CAMTA1: variants seen among roughly 807,000 people sequenced by gnomAD.
CAMTA1 encodes calmodulin binding transcription activator 1.
In CAMTA1, 27 loss-of-function variants were observed where a neutral mutation model predicts 170.9. The observed-to-expected ratio is 0.16, with a 90% CI of 0.12 to 0.22. The LOEUF (loss-of-function observed/expected upper bound fraction) is 0.22, where lower values mean the gene tolerates loss of function less well. CAMTA1 is among the 10% of genes least tolerant of loss of function. The probability of loss-of-function intolerance (pLI) is 1.00; values close to 1 mark genes in which losing one functional copy is unlikely to be tolerated. For synonymous variants in CAMTA1, 833 were observed against 891.5 expected, an observed-to-expected ratio of 0.93 and a Z score of 1.17; for missense variants, 1,619 against 2,217.2, an observed-to-expected ratio of 0.73 and a Z score of 5.42.
intron 4 of CAMTA1, among the ~76,000 whole-genome samples, chr1:7,221,947 A>T (rs1346672844): frequency 3.3e-5 from 5 of 152,030 alleles, no homozygotes; most frequent in African/African-American, 1.2e-4. Context: ...ACACACACAC[A>T]CAGGCTTCCT....
At chr1:7,316,463 G>A (rs192334750) in intron 5 of CAMTA1, among the ~76,000 whole-genome samples, 10 of 152,326 alleles carry the variant, frequency 6.6e-5, no homozygotes, top group Admixed American at 4.6e-4. Context: ...TAACACAAGT[G>A]AAGTAGTCAG....
chr1:6,872,994 G>T (rs181570934), intron 3 of CAMTA1, among the ~76,000 whole-genome samples: 2 of 152,138 alleles, frequency 1.3e-5, no homozygotes, highest in Admixed American at 6.5e-5. Context: ...AAAATTAGTC[G>T]TGGTTAGCTG....
chr1:6,855,973 C>T (rs909912007), intron 3 of CAMTA1, among the ~76,000 whole-genome samples: 2 of 152,074 alleles, frequency 1.3e-5, no homozygotes, highest in Non-Finnish European at 2.9e-5. Context: ...GGAAATCCAC[C>T]CTCTGATACC....
At chr1:7,569,277 A>AC (rs2095094102) in intron 6 of CAMTA1, among the ~76,000 whole-genome samples, 2 of 142,498 alleles carry the variant, frequency 1.4e-5, no homozygotes, top group Admixed American at 6.8e-5. Flanking sequence ...TCATCATCAC[A>AC]TCACCATCAC....
At chr1:7,647,283 G>GT (rs2095814587) in intron 7 of CAMTA1, among the ~76,000 whole-genome samples, 1 of 151,888 alleles carries the variant, frequency 6.6e-6, no homozygotes, top group African/African-American at 2.4e-5. Flanking sequence ...CCAGAAGGGG[G>GT]GGGGGCTGTG....
At chr1:7,356,825 C>A (rs1434899301) in intron 5 of CAMTA1, among the ~76,000 whole-genome samples, 2 of 152,238 alleles carry the variant, frequency 1.3e-5, no homozygotes, top group East Asian at 3.8e-4. Flanking sequence ...TACTTAACTT[C>A]TCTGAGCCTT....
Position 6,965,653 on chromosome 1 carries a change from C to T in CAMTA1, c.235-125651C>T, listed in dbSNP as rs1325877283. ...AACAGTGAGGAGAAAGTCCTGACAA[C>T]AAGTAAAGAAAACTTAGCTGGCAAT... is the stretch of plus-strand genomic sequence containing the variant. On this transcript the variant is annotated intron_variant, in intron 3 of 22. Coordinates refer to ENST00000303635, the MANE Select transcript of CAMTA1 (RefSeq NM_015215.4). This position sits in a 1 kb window ranked among gnomAD's most constrained non-coding sequence, Gnocchi z 4.1. Among the ~76,000 whole-genome samples the T allele has an allele frequency of 6.6e-6, 1 of 152,098 alleles. No individual in the cohort carries two copies. Among genetic ancestry groups the T allele is most frequent in the East Asian group, 1.9e-4 (1 of 5,186 alleles).
chr1:7,474,054 G>A (rs191700651), intron 6 of CAMTA1, among the ~76,000 whole-genome samples: 93 of 152,366 alleles, frequency 6.1e-4, no homozygotes, highest in African/African-American at 2.1e-3. Context: ...CACTGGGTGA[G>A]TGGATGGGCA....
rs1577299803 is a variant in CAMTA1, at chr1:7,736,631, C to A, written c.3263+91C>A. On this transcript the variant is annotated intron_variant, in intron 13 of 22. Transcript: ENST00000303635. The surrounding 1 kb of genome is among the most constrained non-coding windows in gnomAD (Gnocchi z 4.5). ...ACTGCCACCCGTGGAAGAAATCTACCCATTCAGTCCACTTTATAGCCGGCG... is the reference window on the plus strand; with the variant it reads ...ACTGCCACCCGTGGAAGAAATCTACACATTCAGTCCACTTTATAGCCGGCG... 1.6e-6 allele frequency: 2 copies of A among 1,265,944 alleles called. No individual in the cohort carries two copies. Among genetic ancestry groups the A allele is most frequent in the African/African-American group, 1.5e-5 (1 of 68,090 alleles). The allele number at this position is 1,265,944 out of a possible 1,614,324, so 78.4% of individuals were successfully genotyped here.
rs568411380 is a variant in CAMTA1, at chr1:7,088,785, G to T, written c.235-2519G>T. 9.3e-4 allele frequency among the ~76,000 whole-genome samples: 142 copies of T among 152,296 alleles called. 1 individual carries two copies. Among genetic ancestry groups the T allele is most frequent in the African/African-American group, 3.3e-3 (136 of 41,562 alleles). On this transcript the variant is annotated intron_variant, in intron 3 of 22. Coordinates refer to ENST00000303635, the MANE Select transcript of CAMTA1 (RefSeq NM_015215.4). The stretch of plus-strand genomic sequence containing the variant: ...GGGCATGGATCAGGGGGTTCCAGCT[G>T]GCACAGCCTATTCCTCTGGATACCA...
At chr1:7,422,066 A>G (rs2091597882) in intron 5 of CAMTA1, among the ~76,000 whole-genome samples, 1 of 151,998 alleles carries the variant, frequency 6.6e-6, no homozygotes, top group Non-Finnish European at 1.5e-5. Context: ...AAAGTGCCAC[A>G]TGTCAGAAAC....
chr1:6,966,073 G>A lies in CAMTA1; in HGVS notation c.235-125231G>A, dbSNP rs112472967. On this transcript the variant is annotated intron_variant, in intron 3 of 22. Coordinates refer to ENST00000303635, the MANE Select transcript of CAMTA1 (RefSeq NM_015215.4). ...AAGGAGTTAGGCTTCACAGGGCTGCGCGCTGGCCAGGTGCCTGTCACAGGC... is the reference window on the plus strand; with the variant it reads ...AAGGAGTTAGGCTTCACAGGGCTGCACGCTGGCCAGGTGCCTGTCACAGGC... Among the ~76,000 whole-genome samples the A allele has an allele frequency of 4.4e-3, 673 of 152,210 alleles. 7 individuals carry two copies. Among genetic ancestry groups the A allele is most frequent in the African/African-American group, 0.014 (598 of 41,526 alleles).
At chr1:6,843,862 G>A (rs1365735967) in intron 3 of CAMTA1, among the ~76,000 whole-genome samples, 4 of 152,122 alleles carry the variant, frequency 2.6e-5, no homozygotes, top group East Asian at 3.9e-4. Flanking sequence ...ATACATCTGC[G>A]TGGCCAAATT....
intron 3 of CAMTA1, among the ~76,000 whole-genome samples, chr1:6,989,988 G>A (rs1696085952): frequency 6.6e-6 from 1 of 152,142 alleles, no homozygotes; most frequent in South Asian, 2.1e-4. Context: ...GGGTCTTTCA[G>A]GCTCTCACTT....
chr1:6,924,705 G>T (rs1461213200), intron 3 of CAMTA1, among the ~76,000 whole-genome samples: 1 of 152,208 alleles, frequency 6.6e-6, no homozygotes, highest in Non-Finnish European at 1.5e-5. Flanking sequence ...TCTTTTCCGA[G>T]GCTATTTATA....
At chr1:7,348,504 T>C (rs1308540287) in intron 5 of CAMTA1, among the ~76,000 whole-genome samples, 5 of 152,170 alleles carry the variant, frequency 3.3e-5, no homozygotes, top group Non-Finnish European at 7.3e-5. Context: ...CACCTCCACC[T>C]GGCCCTTGGA....
At chr1:7,471,324 A>C (rs890955267) in intron 6 of CAMTA1, among the ~76,000 whole-genome samples, 2 of 152,230 alleles carry the variant, frequency 1.3e-5, no homozygotes, top group Admixed American at 1.3e-4. Context: ...ACTAGAGCCC[A>C]TGTGGCCCAT....
rs542437497 is a variant in CAMTA1 at position 7,441,978 on chromosome 1, C to T, written c.439-25852C>T. Among the ~76,000 whole-genome samples, 8 of 152,216 alleles carry T rather than the reference C, an allele frequency of 5.3e-5. No individual in the cohort carries two copies. The East Asian group carries it at 1.4e-3, about 26-fold the overall frequency. Reference sequence around the variant, plus strand: ...GGCGGTTTCAGAGGGCTGCTCCCTGCGTAAGTCATCCACCCATCCTCTTGT... The same window carrying T: ...GGCGGTTTCAGAGGGCTGCTCCCTGTGTAAGTCATCCACCCATCCTCTTGT... On this transcript the variant is annotated intron_variant, in intron 5 of 22. Coordinates refer to ENST00000303635, the MANE Select transcript of CAMTA1 (RefSeq NM_015215.4).
rs144392678 is a variant in CAMTA1 at position 7,248,031 on chromosome 1, C to A, written c.303-1460C>A. Reference sequence around the variant, plus strand: ...CGGGAAACAATGAAGTATCGGGAGTCGCTGTTGAAAGTCTGTAATTTCCAG... The same window carrying A: ...CGGGAAACAATGAAGTATCGGGAGTAGCTGTTGAAAGTCTGTAATTTCCAG... On this transcript the variant is annotated intron_variant, in intron 4 of 22. Transcript: ENST00000303635. The surrounding 1 kb of genome is among the most constrained non-coding windows in gnomAD (Gnocchi z 4.0). Among the ~76,000 whole-genome samples, 1 of 152,274 alleles carries A rather than the reference C, an allele frequency of 6.6e-6. No homozygotes were observed. Among genetic ancestry groups the A allele is most frequent in the East Asian group, 1.9e-4 (1 of 5,172 alleles).
Sources: gnomAD v4.1 joint callset for allele counts (sites outside exome capture counted in the v4.1 genomes callset) on GRCh38, gnomAD v4.1.1 for gene constraint, Gnocchi (gnomAD v3.1) non-coding constraint, MANE v1.5 for transcripts, NCBI Gene and HGNC (gene_info 2026-07-23, HGNC 2026-07-21) for gene names.